Variants in UPRT observed in about 807,000 individuals in gnomAD.
UPRT encodes the protein uracil phosphoribosyltransferase homolog.
A neutral mutation model predicts 22.6 loss-of-function variants in UPRT; 5 were observed. That is an observed-to-expected ratio of 0.22 (90% CI 0.12 to 0.47). UPRT has a LOEUF of 0.47. Among genes scored for constraint, UPRT ranks in the 20% least tolerant of loss-of-function variants. The pLI, the probability that UPRT is intolerant of heterozygous loss-of-function variation, is 0.99. For synonymous variants in UPRT, 77 were observed against 87.7 expected, an observed-to-expected ratio of 0.88 and a Z score of 0.68; for missense variants, 181 against 239.9, an observed-to-expected ratio of 0.75 and a Z score of 1.62.
chrX:75,237,499 G>C (rs1279936372), intron 4 of UPRT, among the ~76,000 whole-genome samples: 1 of 110,602 alleles, frequency 9.0e-6, no homozygotes, highest in East Asian at 2.8e-4. Context: ...ACATGCACAT[G>C]TATGTTTATT....
intron 4 of UPRT, among the ~76,000 whole-genome samples, chrX:75,207,235 C>A (rs1397167852): frequency 8.9e-6 from 1 of 112,128 alleles, no homozygotes; most frequent in East Asian, 2.8e-4. Context: ...TTAACACTCC[C>A]TTTAGTAGGA....
intron 4 of UPRT, among the ~76,000 whole-genome samples, chrX:75,179,703 C>T (rs935123530): frequency 8.8e-5 from 10 of 113,393 alleles, no homozygotes; most frequent in South Asian, 3.5e-4. Flanking sequence ...TTGAGCGCAG[C>T]GCTGGTGGGC....
chrX:75,162,112 T>C (rs1421915479), intron 2 of UPRT, among the ~76,000 whole-genome samples: 15 of 107,395 alleles, frequency 1.4e-4, no homozygotes, highest in African/African-American at 3.4e-4. Flanking sequence ...TTTTCTTTTT[T>C]TTTTTTTTTT....
intron 4 of UPRT, among the ~76,000 whole-genome samples, chrX:75,191,496 A>T (rs2082314998): frequency 2.6e-5 from 2 of 76,547 alleles, no homozygotes; most frequent in Non-Finnish European, 5.4e-5. Flanking sequence ...CAGCTGTCAG[A>T]CAGGAACATT....
chrX:75,222,925 A>G (rs1016924577), intron 4 of UPRT, among the ~76,000 whole-genome samples: 1 of 110,081 alleles, frequency 9.1e-6, no homozygotes, highest in Non-Finnish European at 1.9e-5. Flanking sequence ...TAGCCACCAC[A>G]TGTAGGAATG....
At chrX:75,262,723 G>A (rs2082573028) in intron 4 of UPRT, among the ~76,000 whole-genome samples, 1 of 111,692 alleles carries the variant, frequency 9.0e-6, no homozygotes, top group African/African-American at 3.3e-5. Context: ...ATTACATAAT[G>A]GTAAAGGAAT....
intron 4 of UPRT, among the ~76,000 whole-genome samples, chrX:75,233,377 T>C (rs5981819): frequency 0.1 from 11,265 of 111,074 alleles, 983 homozygotes; most frequent in African/African-American, 0.28. Context: ...ATATTCTCCA[T>C]GAGAACTTCC....
chrX:75,229,087 C>A (rs1038695309), intron 4 of UPRT, among the ~76,000 whole-genome samples: 3 of 111,655 alleles, frequency 2.7e-5, no homozygotes, highest in African/African-American at 9.8e-5. Flanking sequence ...TCTAATGTAC[C>A]ATATGGTTGA....
At chrX:75,247,977 C>T (rs1032430245) in intron 4 of UPRT, among the ~76,000 whole-genome samples, 3 of 111,880 alleles carry the variant, frequency 2.7e-5, no homozygotes, top group African/African-American at 9.8e-5. Context: ...TGGAGTGGAC[C>T]TCCAGTAAAC....
intron 4 of UPRT, among the ~76,000 whole-genome samples, chrX:75,265,438 C>G (rs1372201261): frequency 9.0e-6 from 1 of 111,419 alleles, no homozygotes; most frequent in Non-Finnish European, 1.9e-5. Flanking sequence ...TTTGATCTTC[C>G]ATCACTTATA....
rs887180021 is a variant in UPRT, at chrX:75,179,794, G to A, written c.-447+11915G>A. Among the ~76,000 whole-genome samples, 8 of 112,949 alleles carry A rather than the reference G, an allele frequency of 7.1e-5. No individual in the cohort carries two copies. In the East Asian group the frequency reaches 1.1e-3, roughly 16 times the overall value. On this transcript the variant is annotated intron_variant, in intron 4 of 13. Transcript: ENST00000652605. ...TCCCTCATTGCCCGGGGCTGGCAGGGCTGGCTGGCTGCTCCGAGCGCGGGG... is the reference window on the plus strand; with the variant it reads ...TCCCTCATTGCCCGGGGCTGGCAGGACTGGCTGGCTGCTCCGAGCGCGGGG...
At chrX:75,204,928 A>T (rs1325140564) in intron 4 of UPRT, among the ~76,000 whole-genome samples, 1 of 110,933 alleles carries the variant, frequency 9.0e-6, no homozygotes, top group East Asian at 2.8e-4. Context: ...ACGGACAAAG[A>T]GGACACAAGG....
At chrX:75,225,051 C>T (rs1045814613) in intron 4 of UPRT, among the ~76,000 whole-genome samples, 3 of 110,899 alleles carry the variant, frequency 2.7e-5, no homozygotes, top group Non-Finnish European at 3.8e-5. Flanking sequence ...CTCAGTGGAG[C>T]GGTCGCAGTA....
At chrX:75,160,145 G>A (rs1490094629) in intron 1 of UPRT, among the ~76,000 whole-genome samples, 1 of 111,498 alleles carries the variant, frequency 9.0e-6, no homozygotes, top group Non-Finnish European at 1.9e-5. Flanking sequence ...CTTTATCCTT[G>A]TGGATTTATT....
chrX:75,294,413 T>C, intron 2 of UPRT: 1 of 271,086 alleles, frequency 3.7e-6, no homozygotes, highest in Non-Finnish European at 6.0e-6. Flanking sequence ...TCTTGGTGTT[T>C]ATGATCTAAA....
At position 75,293,471 on chromosome X, in the gene UPRT, G is replaced by T; in HGVS notation, c.387-1G>T. ...CTAAAACTTGTATTATCTTTTTTTAGGACAGCCAGTAGAGGTGACTTCATG... is the reference window on the plus strand; with the variant it reads ...CTAAAACTTGTATTATCTTTTTTTATGACAGCCAGTAGAGGTGACTTCATG... On this transcript the variant is annotated splice_acceptor_variant, in intron 1 of 6. Coordinates refer to ENST00000373383, the MANE Select transcript of UPRT (RefSeq NM_145052.4). LOFTEE classifies it high-confidence loss of function. 1 of 1,197,684 alleles carries T rather than the reference G, an allele frequency of 8.3e-7. No homozygotes were observed. The highest frequency in any genetic ancestry group is 1.1e-6 in the Non-Finnish European group (1 of 890,398).
intron 4 of UPRT, among the ~76,000 whole-genome samples, chrX:75,205,383 C>CAAA (rs55819232): frequency 4.5e-4 from 17 of 38,168 alleles, no homozygotes; most frequent in African/African-American, 6.4e-4. Context: ...GACTCCGTCT[C>CAAA]AAAAAAAAAA....
intron 4 of UPRT, among the ~76,000 whole-genome samples, chrX:75,176,032 G>C (rs917040648): frequency 9.0e-6 from 1 of 111,426 alleles, no homozygotes; most frequent in Non-Finnish European, 1.9e-5. Context: ...ATTGACCCTC[G>C]AGTGATTCGG....
Position 75,299,899 on chromosome X carries a change from G to A in UPRT, c.724+3G>A. 8.3e-7 allele frequency: 1 copy of A among 1,208,490 alleles called. No homozygotes were observed. The highest frequency in any genetic ancestry group is 1.1e-6 in the Non-Finnish European group (1 of 894,002). ...CCTTCTGATGTATCCAATTCTCAGT[G>A]AGTGGCTTCCATTTGTTTGTAACCT... On this transcript the variant is annotated splice_donor_region_variant and intron_variant, in intron 5 of 6. Coordinates refer to ENST00000373383, the MANE Select transcript of UPRT (RefSeq NM_145052.4).
Sources: allele counts gnomAD v4.1 joint callset (sites outside exome capture counted in the v4.1 genomes callset), GRCh38; gene constraint gnomAD v4.1.1; transcripts MANE v1.5; gene names NCBI Gene and HGNC (gene_info 2026-07-23, HGNC 2026-07-21).